CORO2B: variants seen among roughly 807,000 people sequenced by gnomAD.
CORO2B encodes coronin 2B.
In CORO2B, 26 loss-of-function variants were observed where a neutral mutation model predicts 58.8. That is an observed-to-expected ratio of 0.44 (90% CI 0.32 to 0.61). CORO2B has a LOEUF of 0.61. CORO2B is among the 20% of genes least tolerant of loss of function. The probability of loss-of-function intolerance (pLI) is 0.04; values close to 1 mark genes in which losing one functional copy is unlikely to be tolerated. For missense variants in CORO2B, 460 were observed against 645.1 expected (o/e 0.71, Z 3.11); for synonymous variants, 242 against 253.8 (o/e 0.95, Z 0.44).
At chr15:68,651,499 A>G (rs955191070) in intron 2 of CORO2B, among the ~76,000 whole-genome samples, 1 of 152,222 alleles carries the variant, frequency 6.6e-6, no homozygotes, top group African/African-American at 2.4e-5. Flanking sequence ...AGTTTCCTGT[A>G]TTCAATACAA....
At chr15:68,580,555 C>G (rs1192405026) in intron 1 of CORO2B, among the ~76,000 whole-genome samples, 1 of 152,132 alleles carries the variant, frequency 6.6e-6, no homozygotes, top group African/African-American at 2.4e-5. Context: ...GGCCCTGGTT[C>G]TGGGACTTGG....
rs1260536469 is a variant in CORO2B, at chr15:68,579,088, G to T, written c.-175G>T. The T allele has an allele frequency of 3.1e-6, 3 of 983,102 alleles. No individual in the cohort carries two copies. The highest frequency in any genetic ancestry group is 2.4e-6 in the Non-Finnish European group (2 of 829,126). The allele number at this position is 983,102 out of a possible 1,614,324, so 60.9% of individuals were successfully genotyped here. ...CGACGAGCGGCGGGCGAGCGCCGACGAGCGGTCCCTGCGCGCTGCCCGCCC... is the reference window on the plus strand; with the variant it reads ...CGACGAGCGGCGGGCGAGCGCCGACTAGCGGTCCCTGCGCGCTGCCCGCCC... On this transcript the variant is annotated 5_prime_UTR_variant, in exon 1 of 12. Coordinates refer to ENST00000261861, the MANE Select transcript of CORO2B (RefSeq NM_006091.5).
chr15:68,522,119 C>G, the CORO2B span, among the ~76,000 whole-genome samples: 58 of 151,814 alleles, frequency 3.8e-4, no homozygotes, highest in African/African-American at 1.3e-3. Context: ...CCATGGACTC[C>G]TTTAAAGAAT....
chr15:68,555,750 G>A, the CORO2B span, among the ~76,000 whole-genome samples: 7 of 152,222 alleles, frequency 4.6e-5, no homozygotes, highest in African/African-American at 7.2e-5. Flanking sequence ...TGGAGAACTC[G>A]GAGAAGTCTG....
the CORO2B span, among the ~76,000 whole-genome samples, chr15:68,566,483 G>A: frequency 1.3e-5 from 2 of 152,154 alleles, no homozygotes; most frequent in African/African-American, 2.4e-5. Context: ...CAAATGAGAG[G>A]TGCCTGCAGG....
intron 1 of CORO2B, among the ~76,000 whole-genome samples, chr15:68,579,572 C>A (rs912488735): frequency 6.6e-6 from 1 of 152,178 alleles, no homozygotes; most frequent in Non-Finnish European, 1.5e-5. Flanking sequence ...CATTTTTAAC[C>A]CCTGGAGAGC....
At chr15:68,562,126 G>A in the CORO2B span, among the ~76,000 whole-genome samples, 29 of 152,320 alleles carry the variant, frequency 1.9e-4, no homozygotes, top group East Asian at 3.5e-3. Flanking sequence ...CCTCCATGGC[G>A]TCTGTCAGGG....
rs141811392 is a variant in CORO2B at position 68,619,944 on chromosome 15, C to T, written c.16-25216C>T. The stretch of plus-strand genomic sequence containing the variant: ...TTTTTTATTTTGAGACAGAGTCTCA[C>T]TCTGTCTCCCAGGCTGGAGTACAGT... On this transcript the variant is annotated intron_variant, in intron 1 of 11. Coordinates refer to ENST00000261861, the MANE Select transcript of CORO2B (RefSeq NM_006091.5). Among the ~76,000 whole-genome samples, 477 of 152,212 alleles carry T rather than the reference C, an allele frequency of 3.1e-3. 2 individuals carry two copies. Among genetic ancestry groups the T allele is most frequent in the African/African-American group, 0.011 (453 of 41,528 alleles).
At chr15:68,715,155 A>G in intron 7 of CORO2B, 60 bp from the exon 8 acceptor site, 10 of 1,456,162 alleles carry the variant, frequency 6.9e-6, no homozygotes, top group Non-Finnish European at 8.7e-6. Context: ...TCCTGGGACC[A>G]GGCCCTGCTC....
intron 2 of CORO2B, among the ~76,000 whole-genome samples, chr15:68,658,521 G>T (rs529812448): frequency 1.3e-5 from 2 of 152,334 alleles, no homozygotes; most frequent in Admixed American, 6.5e-5. Context: ...TCACTCTTGG[G>T]TGCTTAACTC....
the CORO2B span, among the ~76,000 whole-genome samples, chr15:68,564,493 A>G: frequency 6.6e-6 from 1 of 151,694 alleles, no homozygotes; most frequent in Admixed American, 6.6e-5. Context: ...TATTTTTTGT[A>G]TTTTTAGTAG....
chr15:68,669,507 A>G lies in CORO2B; in HGVS notation c.216+24147A>G, dbSNP rs569665449. Among the ~76,000 whole-genome samples, 8 of 152,276 alleles carry G rather than the reference A, an allele frequency of 5.3e-5. No individual in the cohort carries two copies. The South Asian group carries it at 1.5e-3, about 28-fold the overall frequency. ...TGAAATTGCAGTATGCTTTGCGTGA[A>G]TGCATGAGTGGGCCAGGGCTAGGAC... On this transcript the variant is annotated intron_variant, in intron 2 of 11. Coordinates refer to ENST00000261861, the MANE Select transcript of CORO2B (RefSeq NM_006091.5).
Position 68,718,755 on chromosome 15 carries a change from A to G in CORO2B, c.1025A>G (p.Lys342Arg), listed in dbSNP as rs758837711. 5 of 1,614,158 alleles carry G rather than the reference A, an allele frequency of 3.1e-6. No homozygotes were observed. The South Asian group carries it at 5.5e-5, about 18-fold the overall frequency. The change falls in exon 9 of 12, where the codon AAG becomes AGG. Residue 342 changes from lysine (K) to arginine (R), a missense_variant. Lys to Arg is a conservative substitution (Grantham distance 26). Around this residue, in one of 2 missense-constraint regions of CORO2B, gnomAD observed 352 missense variants for 543.0 expected, o/e 0.65. Coordinates refer to ENST00000261861, the MANE Select transcript of CORO2B (RefSeq NM_006091.5). ...GCCTGCGAGGTGTTCCGCTTCTACA[A>G]GCTGGTGACTCTCAAGGGCCTGATC... ...VSACEVFRFY[K>R]LVTLKGLIEP...
intron 1 of CORO2B, among the ~76,000 whole-genome samples, chr15:68,585,919 G>T (rs150745564): frequency 6.6e-6 from 1 of 152,370 alleles, no homozygotes; most frequent in East Asian, 1.9e-4. Flanking sequence ...GACAGAGGCA[G>T]AGCCGCCTTC....
intron 1 of CORO2B, among the ~76,000 whole-genome samples, chr15:68,626,184 A>G (rs1393804216): frequency 6.6e-5 from 10 of 152,192 alleles, no homozygotes; most frequent in South Asian, 2.1e-4. Context: ...CTGTGAGGGC[A>G]CACAGTTCCA....
At chr15:68,655,679 G>A (rs759568357) in intron 2 of CORO2B, among the ~76,000 whole-genome samples, 1 of 152,154 alleles carries the variant, frequency 6.6e-6, no homozygotes, top group Non-Finnish European at 1.5e-5. Flanking sequence ...TTTGGTTAAG[G>A]TTAGGGTGAG....
At position 68,591,825 on chromosome 15, in the gene CORO2B, G is replaced by A. The variant is rs115029048; in HGVS notation, c.15+12548G>A. On this transcript the variant is annotated intron_variant, in intron 1 of 11. Coordinates refer to ENST00000261861, the MANE Select transcript of CORO2B (RefSeq NM_006091.5). ...GGTTGAGAACATAGGAGGGGGCAGA[G>A]GACCAGAAGTTTCCTTCTAGGAAAA... Among the ~76,000 whole-genome samples, 362 of 152,276 alleles carry A rather than the reference G, an allele frequency of 2.4e-3. 1 individual carries two copies. Among genetic ancestry groups the A allele is most frequent in the African/African-American group, 8.3e-3 (346 of 41,558 alleles).
intron 1 of CORO2B, among the ~76,000 whole-genome samples, chr15:68,633,514 T>TACACACACACACACACACACACACACAC (rs147873341): frequency 9.0e-5 from 13 of 144,000 alleles, no homozygotes; most frequent in African/African-American, 3.4e-4. Flanking sequence ...TACTCCAACA[T>TACACACACACACACACACACACACACAC]ACACACACAC....
intron 2 of CORO2B, among the ~76,000 whole-genome samples, chr15:68,682,298 C>A (rs1217063970): frequency 2.6e-5 from 4 of 152,140 alleles, no homozygotes; most frequent in Non-Finnish European, 5.9e-5. Context: ...CGAGAAGAGA[C>A]CAGCACCGTG....
Sources: gnomAD v4.1 joint callset for allele counts (sites outside exome capture counted in the v4.1 genomes callset) on GRCh38, gnomAD v4.1.1 for gene constraint, gnomAD v4.1.1 regional missense constraint, MANE v1.5 for transcripts, NCBI Gene and HGNC (gene_info 2026-07-23, HGNC 2026-07-21) for gene names.